Variants in PPP3CA observed in about 807,000 individuals in gnomAD.
PPP3CA encodes CAM-PRP catalytic subunit.
Under a neutral mutation model 66.5 loss-of-function variants are expected in PPP3CA, and 14 were observed. The ratio of observed to expected loss-of-function variants is 0.21; its 90% confidence interval spans 0.14 to 0.33. The LOEUF is 0.33. PPP3CA is among the 10% of genes least tolerant of loss of function. The probability of loss-of-function intolerance (pLI) is 1.00; values close to 1 mark genes in which losing one functional copy is unlikely to be tolerated. For synonymous variants in PPP3CA, 232 were observed against 226.2 expected, an observed-to-expected ratio of 1.03 and a Z score of -0.23; for missense variants, 317 against 639.5, an observed-to-expected ratio of 0.50 and a Z score of 5.44.
chr4:101,233,990 T>C (rs1362677052), intron 1 of PPP3CA, among the ~76,000 whole-genome samples: 2 of 151,834 alleles, frequency 1.3e-5, no homozygotes, highest in East Asian at 3.9e-4. Flanking sequence ...AGTAAGAAAA[T>C]GCAGTATTTG....
At chr4:101,287,204 T>C (rs1469472477) in intron 1 of PPP3CA, among the ~76,000 whole-genome samples, 1 of 152,200 alleles carries the variant, frequency 6.6e-6, no homozygotes, top group Non-Finnish European at 1.5e-5. Flanking sequence ...AAATAGTTAC[T>C]AGCAGAAATA....
chr4:101,143,917 A>T (rs75747753), intron 2 of PPP3CA, among the ~76,000 whole-genome samples: 2,819 of 152,278 alleles, frequency 0.019, 292 homozygotes, highest in Admixed American at 0.16. Flanking sequence ...ACTTGTGCCT[A>T]CATACACATC....
intron 2 of PPP3CA, among the ~76,000 whole-genome samples, chr4:101,124,179 G>A (rs76803862): frequency 0.13 from 19,680 of 152,004 alleles, 1,414 homozygotes; most frequent in South Asian, 0.2. Flanking sequence ...GGTAACTGAT[G>A]GTCCCAATTT....
At chr4:101,141,283 T>C (rs1344884954) in intron 2 of PPP3CA, among the ~76,000 whole-genome samples, 2 of 152,086 alleles carry the variant, frequency 1.3e-5, no homozygotes, top group South Asian at 2.1e-4. Flanking sequence ...GGCAGGAGAA[T>C]TGCTTGAACC....
At chr4:101,064,228 T>C (rs1327929362) in intron 8 of PPP3CA, among the ~76,000 whole-genome samples, 3 of 151,968 alleles carry the variant, frequency 2.0e-5, no homozygotes, top group Non-Finnish European at 2.9e-5. Context: ...TCACCTGTTT[T>C]AATGAGGTCA....
intron 1 of PPP3CA, among the ~76,000 whole-genome samples, chr4:101,310,568 GA>G (rs1170929530): frequency 6.6e-6 from 1 of 152,148 alleles, no homozygotes; most frequent in Non-Finnish European, 1.5e-5. Context: ...AGCTACTCAA[GA>G]GGCTGAGGTG....
At chr4:101,173,618 A>G (rs1179627197) in intron 2 of PPP3CA, among the ~76,000 whole-genome samples, 1 of 152,186 alleles carries the variant, frequency 6.6e-6, no homozygotes, top group Admixed American at 6.6e-5. Flanking sequence ...AAGCATACAT[A>G]AGTTTTAAAT....
chr4:101,091,900 AGAG>A (rs139939234), intron 6 of PPP3CA, among the ~76,000 whole-genome samples: 15,841 of 129,246 alleles, frequency 0.12, 1,920 homozygotes, highest in African/African-American at 0.3. Flanking sequence ...AAGGAGGAGA[AGAG>A]GAGGAGTAAG....
At chr4:101,269,792 T>C (rs539287282) in intron 1 of PPP3CA, among the ~76,000 whole-genome samples, 4 of 152,218 alleles carry the variant, frequency 2.6e-5, no homozygotes, top group South Asian at 4.1e-4. Context: ...CATATAAGTA[T>C]TTGTAAGATA....
chr4:101,326,089 C>A (rs909154077), intron 1 of PPP3CA, among the ~76,000 whole-genome samples: 1 of 152,110 alleles, frequency 6.6e-6, no homozygotes, highest in African/African-American at 2.4e-5. Flanking sequence ...TGAGCCGAGA[C>A]TGCACCAATG....
intron 2 of PPP3CA, among the ~76,000 whole-genome samples, chr4:101,180,065 T>C (rs1394568123): frequency 6.6e-6 from 1 of 152,152 alleles, no homozygotes. Flanking sequence ...CAAAGTTATA[T>C]GTGCAAGTTG....
intron 2 of PPP3CA, among the ~76,000 whole-genome samples, chr4:101,132,892 T>C (rs184413872): frequency 6.6e-5 from 10 of 152,270 alleles, no homozygotes; most frequent in Admixed American, 3.9e-4. Context: ...ATCAAAAAGC[T>C]TATCCACCAC....
intron 1 of PPP3CA, among the ~76,000 whole-genome samples, chr4:101,284,648 C>T (rs1289635513): frequency 6.6e-6 from 1 of 152,008 alleles, no homozygotes; most frequent in African/African-American, 2.4e-5. Context: ...TCCTACTCCC[C>T]ACCCCCATGT....
intron 5 of PPP3CA, among the ~76,000 whole-genome samples, chr4:101,094,292 C>T (rs543699460): frequency 1.0e-3 from 152 of 152,290 alleles, no homozygotes; most frequent in African/African-American, 3.6e-3. Context: ...GTTATTATGA[C>T]TCTACCCCTG....
intron 2 of PPP3CA, among the ~76,000 whole-genome samples, chr4:101,153,864 T>C (rs1251632635): frequency 3.3e-5 from 5 of 152,160 alleles, no homozygotes; most frequent in Non-Finnish European, 7.4e-5. Context: ...ACCAAGTTAC[T>C]ATCACAGTTC....
intron 2 of PPP3CA, among the ~76,000 whole-genome samples, chr4:101,125,908 A>T (rs1321324376): frequency 6.6e-6 from 1 of 152,136 alleles, no homozygotes; most frequent in East Asian, 1.9e-4. Flanking sequence ...TTAAGTCATC[A>T]CCTCATCACT....
chr4:101,285,159 C>A (rs1578628842), intron 1 of PPP3CA, among the ~76,000 whole-genome samples: 1 of 152,068 alleles, frequency 6.6e-6, no homozygotes. Context: ...AACGTCCACA[C>A]AGCACCGAGA....
intron 2 of PPP3CA, among the ~76,000 whole-genome samples, chr4:101,154,423 T>C (rs1319984746): frequency 6.6e-6 from 1 of 152,194 alleles, no homozygotes; most frequent in Non-Finnish European, 1.5e-5. Context: ...ATTTACTCTG[T>C]ACAAGAATTT....
chr4:101,239,823 A>T (rs1726243632), intron 1 of PPP3CA, among the ~76,000 whole-genome samples: 1 of 151,984 alleles, frequency 6.6e-6, no homozygotes, highest in African/African-American at 2.4e-5. Context: ...TAGGTTCTCA[A>T]TTACATCAGG....
Sources: allele counts gnomAD v4.1 joint callset (sites outside exome capture counted in the v4.1 genomes callset), GRCh38; gene constraint gnomAD v4.1.1; transcripts MANE v1.5; gene names NCBI Gene and HGNC (gene_info 2026-07-23, HGNC 2026-07-21).